Variants in NEBL observed in about 807,000 individuals in gnomAD.
NEBL encodes LIM and SH3 protein 2.
Under a neutral mutation model 140.2 loss-of-function variants are expected in NEBL, and 122 were observed. The ratio of observed to expected loss-of-function variants is 0.87; its 90% CI spans 0.75 to 1.01. The LOEUF (loss-of-function observed/expected upper bound fraction) is 1.01, where lower values mean the gene tolerates loss of function less well. Among genes scored for constraint, NEBL ranks in the 50% least tolerant of loss-of-function variants. The probability of loss-of-function intolerance (pLI) is 0.00; values close to 1 mark genes in which losing one functional copy is unlikely to be tolerated. For synonymous variants in NEBL, 436 were observed against 398.9 expected, an observed-to-expected ratio of 1.09 and a Z score of -1.11; for missense variants, 1,365 against 1,231.3, an observed-to-expected ratio of 1.11 and a Z score of -1.62.
intron 2 of NEBL, among the ~76,000 whole-genome samples, chr10:21,034,943 C>CTTATTTATTTAT (rs199827432): frequency 7.0e-6 from 1 of 142,234 alleles, no homozygotes. Context: ...GCTATTTATT[C>CTTATTTATTTAT]TTATTTATTT....
At chr10:20,899,300 G>T, upstream of NEBL, 1 of 906,068 alleles carries the variant, frequency 1.1e-6, no homozygotes, top group Non-Finnish European at 1.5e-6. Context: ...AACTGCCTGA[G>T]ACACACCTTT....
At position 20,992,765 on chromosome 10, in the gene NEBL, C is replaced by CTTTTTTTTTTT. The variant is rs35627113; in HGVS notation, c.249+27341_249+27351dup. Reference sequence around the variant, plus strand: ...AATCAGTCATTTGCAACTACAAAGTCTTTTTTTTTTTTTTTTTTTTTTTTT... The same window carrying CTTTTTTTTTTT: ...AATCAGTCATTTGCAACTACAAAGTCTTTTTTTTTTTTTTTTTTTTTTTTTTTTTTTTTTTT... On this transcript the variant is annotated intron_variant, in intron 3 of 6. Transcript: ENST00000417816. 1.3e-4 allele frequency among the ~76,000 whole-genome samples: 7 copies of CTTTTTTTTTTT among 52,452 alleles called. 1 individual carries two copies. Among genetic ancestry groups the CTTTTTTTTTTT allele is most frequent in the East Asian group, 7.1e-4 (1 of 1,416 alleles). 34.4% of individuals were successfully genotyped at this position (52,452 alleles called of 152,430 possible). A position where few individuals can be genotyped will look rare whatever the true frequency, so the allele number is the denominator to read the frequency against.
intron 2 of NEBL, among the ~76,000 whole-genome samples, chr10:21,054,626 G>T (rs924103838): frequency 2.0e-5 from 3 of 152,034 alleles, no homozygotes; most frequent in African/African-American, 7.2e-5. Context: ...AATTCTCTTG[G>T]ATACAGATGA....
chr10:21,039,383 A>G (rs2131826787), intron 2 of NEBL, among the ~76,000 whole-genome samples: 1 of 152,266 alleles, frequency 6.6e-6, no homozygotes, highest in African/African-American at 2.4e-5. Context: ...TCTTTAATCC[A>G]TCTTGAGTTA....
At chr10:20,907,423 C>T (rs1848138168) in intron 4 of NEBL, among the ~76,000 whole-genome samples, 1 of 152,230 alleles carries the variant, frequency 6.6e-6, no homozygotes, top group East Asian at 1.9e-4. Context: ...TATTCACCCT[C>T]TAATTTTCTG....
At chr10:21,033,831 G>C (rs1245016765) in intron 2 of NEBL, among the ~76,000 whole-genome samples, 2 of 151,480 alleles carry the variant, frequency 1.3e-5, no homozygotes, top group Non-Finnish European at 2.9e-5. Context: ...CTCTCGTTTG[G>C]CTCTCAATAT....
At chr10:20,953,911 C>G (rs1460585790) in intron 4 of NEBL, among the ~76,000 whole-genome samples, 1 of 151,662 alleles carries the variant, frequency 6.6e-6, no homozygotes, top group Non-Finnish European at 1.5e-5. Flanking sequence ...CTAGGCATAA[C>G]CGATCTTGCA....
rs1407773993 is a variant in NEBL, at chr10:20,780,160, G to C, written c.*5587C>G. The C allele has an allele frequency of 6.6e-6, 1 of 152,110 alleles. No individual in the cohort carries two copies. Among genetic ancestry groups the C allele is most frequent in the Non-Finnish European group, 1.5e-5 (1 of 68,020 alleles). The allele number at this position is 152,110 out of a possible 1,614,324, so 9.4% of individuals were successfully genotyped here. On this transcript the variant is annotated 3_prime_UTR_variant, in exon 28 of 28. Transcript: ENST00000377122. ...TTTTTCAATTATGGGAAGCGTAGTGGGGGGAGAAAAGCAATTGTGTTCTGT... is the reference window on the plus strand; with the variant it reads ...TTTTTCAATTATGGGAAGCGTAGTGCGGGGAGAAAAGCAATTGTGTTCTGT...
At chr10:21,210,621 T>C (rs1268260124) in intron 3 of NEBL, among the ~76,000 whole-genome samples, 2 of 152,208 alleles carry the variant, frequency 1.3e-5, no homozygotes, top group Non-Finnish European at 2.9e-5. Context: ...CAAGTATGTT[T>C]TTTCCATATC....
chr10:21,036,358 G>A (rs1244820084), intron 2 of NEBL, among the ~76,000 whole-genome samples: 2 of 152,066 alleles, frequency 1.3e-5, no homozygotes, highest in Non-Finnish European at 2.9e-5. Flanking sequence ...GGAGGCTTAG[G>A]TGGGAGGGTC....
At chr10:20,789,515 A>G (rs1025348306) in intron 26 of NEBL, among the ~76,000 whole-genome samples, 31 of 152,194 alleles carry the variant, frequency 2.0e-4, no homozygotes, top group African/African-American at 7.5e-4. Flanking sequence ...CTGACAATTC[A>G]AGAATGTTGC....
intron 2 of NEBL, among the ~76,000 whole-genome samples, chr10:21,167,066 C>T (rs1026985819): frequency 1.3e-5 from 2 of 152,206 alleles, no homozygotes; most frequent in African/African-American, 4.8e-5. Context: ...TCACACTCAA[C>T]AGGGGCCGGC....
chr10:21,050,262 T>A (rs537949541), intron 2 of NEBL, among the ~76,000 whole-genome samples: 2 of 152,262 alleles, frequency 1.3e-5, no homozygotes, highest in African/African-American at 4.8e-5. Context: ...ACGGAAACTA[T>A]CTGATTTCTG....
chr10:20,854,817 G>A (rs1842894752), intron 9 of NEBL, among the ~76,000 whole-genome samples: 1 of 151,900 alleles, frequency 6.6e-6, no homozygotes, highest in South Asian at 2.1e-4. Flanking sequence ...CTCCTGCCTT[G>A]GCCTCCCAAA....
intron 2 of NEBL, among the ~76,000 whole-genome samples, chr10:21,055,721 A>C: frequency 6.6e-6 from 1 of 152,212 alleles, no homozygotes; most frequent in East Asian, 1.9e-4. Context: ...GATAAACTGC[A>C]ATTTACACAA....
intron 2 of NEBL, among the ~76,000 whole-genome samples, chr10:21,135,661 G>A (rs911337908): frequency 2.6e-5 from 4 of 152,186 alleles, no homozygotes; most frequent in African/African-American, 9.7e-5. Flanking sequence ...CCCCCGGCCT[G>A]GGACATCATG....
At chr10:21,016,015 C>T (rs547866360) in intron 3 of NEBL, among the ~76,000 whole-genome samples, 175 of 152,356 alleles carry the variant, frequency 1.1e-3, no homozygotes, top group Middle Eastern at 6.8e-3. Context: ...TATAATGTTG[C>T]TGATTCCACC....
chr10:20,819,444 T>C lies in NEBL; in HGVS notation c.2035A>G (p.Asn679Asp), dbSNP rs1418438128. 1.2e-6 allele frequency: 2 copies of C among 1,614,088 alleles called. No individual in the cohort carries two copies. The highest frequency in any genetic ancestry group is 8.5e-7 in the Non-Finnish European group (1 of 1,179,986). The change falls in exon 20 of 28, where the codon AAC (asparagine) becomes GAC (aspartate). Residue 679 changes from asparagine (N) to aspartate (D), a missense_variant. Physicochemically the swap from Asn to Asp is conservative, Grantham distance 23 (BLOSUM62 1). Transcript: ENST00000377122. The stretch of plus-strand genomic sequence containing the variant: ...CTTGCCGCACTCAGCTGCTCCTGGT[T>C]TCGCCTCACTCTCTCTATCTCCGGG... ...MTPEIERVRR[N>D]QEQLSAVKYK...
intron 2 of NEBL, among the ~76,000 whole-genome samples, chr10:21,171,290 A>G (rs368498688): frequency 5.3e-5 from 8 of 150,782 alleles, no homozygotes; most frequent in Admixed American, 2.6e-4. Context: ...AGCCAAGATC[A>G]TGCCATTGCA....
Sources: gnomAD v4.1 joint callset for allele counts (sites outside exome capture counted in the v4.1 genomes callset) on GRCh38, gnomAD v4.1.1 for gene constraint, MANE v1.5 for transcripts, NCBI Gene and HGNC (gene_info 2026-07-23, HGNC 2026-07-21) for gene names.